Variants in BICD2 observed in about 807,000 individuals in gnomAD.
The protein encoded by BICD2 is protein bicaudal D homolog 2.
A neutral mutation model predicts 72.9 loss-of-function variants in BICD2; 25 were observed. The ratio of observed to expected loss-of-function variants is 0.34; its 90% CI spans 0.25 to 0.48. The LOEUF is 0.48. Among genes scored for constraint, BICD2 ranks in the 20% least tolerant of loss-of-function variants. BICD2 has a pLI of 0.99. For missense variants in BICD2, 894 were observed against 1,175.2 expected (o/e 0.76, Z 3.50); for synonymous variants, 501 against 516.1 (o/e 0.97, Z 0.40).
In BICD2 at chr9:92,728,919, C is replaced by T. The variant is rs994704192; in HGVS notation, c.453+105G>A. The T allele has an allele frequency of 1.4e-5, 18 of 1,241,946 alleles. No homozygotes were observed. The East Asian group carries it at 2.3e-4, about 16-fold the overall frequency. The allele number at this position is 1,241,946 out of a possible 1,614,324, so 76.9% of individuals were successfully genotyped here. ...AGCAAGACAGACCAGCCAGCTGCAG[C>T]GTCCCCAGAGGCCAGCCCAGCCCAG... On this transcript the variant is annotated intron_variant, in intron 2 of 6. Transcript: ENST00000356884.
chr9:92,714,306 AT>A lies in BICD2; in HGVS notation c.*847del. ...TGAACCCCCTATGGAAGGCCGGATA[AT>A]TGGCTGCTGGGGTCACCCCAAGTAC... On this transcript the variant is annotated 3_prime_UTR_variant, in exon 7 of 7. Coordinates refer to ENST00000356884, the MANE Select transcript of BICD2 (RefSeq NM_001003800.2). 3.0e-6 allele frequency: 3 copies of A among 985,512 alleles called. No individual in the cohort carries two copies. Among genetic ancestry groups the A allele is most frequent in the Non-Finnish European group, 3.6e-6 (3 of 829,960 alleles). The allele number at this position is 985,512 out of a possible 1,614,324, so 61.0% of individuals were successfully genotyped here. A position where few individuals can be genotyped will look rare whatever the true frequency, so the allele number is the denominator to read the frequency against.
intron 1 of BICD2, among the ~76,000 whole-genome samples, chr9:92,760,179 C>T (rs1854342809): frequency 6.6e-6 from 1 of 152,184 alleles, no homozygotes; most frequent in Non-Finnish European, 1.5e-5. Context: ...TACAGTCGGT[C>T]CTGCTCAGGT....
intron 1 of BICD2, among the ~76,000 whole-genome samples, chr9:92,731,435 G>A (rs1241204749): frequency 6.6e-6 from 1 of 151,400 alleles, no homozygotes; most frequent in Non-Finnish European, 1.5e-5. Flanking sequence ...GCCAAGATGA[G>A]ATTGTTGCAG....
intron 1 of BICD2, among the ~76,000 whole-genome samples, chr9:92,733,079 T>TTAA (rs1222739013): frequency 6.6e-6 from 1 of 152,156 alleles, no homozygotes; most frequent in Non-Finnish European, 1.5e-5. Flanking sequence ...GTGAGAGAAC[T>TTAA]CACAATTTCA....
At chr9:92,760,547 T>A (rs988513430) in intron 1 of BICD2, among the ~76,000 whole-genome samples, 1 of 152,156 alleles carries the variant, frequency 6.6e-6, no homozygotes, top group Non-Finnish European at 1.5e-5. Context: ...CCCTAAAGAT[T>A]CCTTCATGAC....
chr9:92,754,881 A>T, intron 1 of BICD2, among the ~76,000 whole-genome samples: 1 of 152,200 alleles, frequency 6.6e-6, no homozygotes, highest in Non-Finnish European at 1.5e-5. Flanking sequence ...TAACTGCACA[A>T]ATTGTACAGC....
intron 1 of BICD2, among the ~76,000 whole-genome samples, chr9:92,754,774 T>C (rs1215009274): frequency 6.6e-6 from 1 of 152,226 alleles, no homozygotes; most frequent in Admixed American, 6.5e-5. Context: ...CCCCAATCAA[T>C]ACCCTTGTGA....
intron 4 of BICD2, 40 bp from the exon 5 acceptor site, chr9:92,719,622 A>G (rs1293179494): frequency 6.5e-7 from 1 of 1,527,552 alleles, no homozygotes; most frequent in South Asian, 1.2e-5. Context: ...GTCAGTTGCT[A>G]TGGACCCCGA....
At chr9:92,751,967 G>A (rs1854159874) in intron 1 of BICD2, among the ~76,000 whole-genome samples, 2 of 151,970 alleles carry the variant, frequency 1.3e-5, no homozygotes, top group Non-Finnish European at 2.9e-5. Flanking sequence ...ACCACGAACA[G>A]CTAATTTTTG....
At chr9:92,731,172 C>G (rs1315548034) in intron 1 of BICD2, among the ~76,000 whole-genome samples, 3 of 152,336 alleles carry the variant, frequency 2.0e-5, no homozygotes, top group Non-Finnish European at 2.9e-5. Context: ...TCCTGACAAG[C>G]AGGAGGGACC....
At chr9:92,733,256 G>A (rs1004313907) in intron 1 of BICD2, among the ~76,000 whole-genome samples, 2 of 152,102 alleles carry the variant, frequency 1.3e-5, no homozygotes, top group Non-Finnish European at 2.9e-5. Flanking sequence ...ATAGTTTTTC[G>A]GCCAGGCACG....
intron 1 of BICD2, among the ~76,000 whole-genome samples, chr9:92,754,559 C>T (rs745521512): frequency 1.2e-4 from 19 of 152,140 alleles, no homozygotes; most frequent in Non-Finnish European, 1.9e-4. Context: ...CAACTTAAAC[C>T]ACAATGAGAT....
chr9:92,729,001 T>G (rs1336323777), intron 2 of BICD2, 23 bp downstream of exon 2: 5 of 1,610,492 alleles, frequency 3.1e-6, no homozygotes, highest in Non-Finnish European at 4.2e-6. Flanking sequence ...AGCCACAGAC[T>G]AGGCCCCTCC....
Position 92,747,650 on chromosome 9 carries a change from T to C in BICD2, c.240+16855A>G, listed in dbSNP as rs369514364. Reference sequence around the variant, plus strand: ...ACTTTAGCTCACTGATGCTGAGAAATAGCTCAGGCAGAAGGCAGGGCCGAC... The same window carrying C: ...ACTTTAGCTCACTGATGCTGAGAAACAGCTCAGGCAGAAGGCAGGGCCGAC... On this transcript the variant is annotated intron_variant, in intron 1 of 6. Transcript: ENST00000356884. Among the ~76,000 whole-genome samples, 33 of 152,202 alleles carry C rather than the reference T, an allele frequency of 2.2e-4. 1 individual carries two copies. The East Asian group carries it at 5.2e-3, about 24-fold the overall frequency.
At chr9:92,761,446 C>T (rs1002919392) in intron 1 of BICD2, among the ~76,000 whole-genome samples, 1 of 152,232 alleles carries the variant, frequency 6.6e-6, no homozygotes, top group Non-Finnish European at 1.5e-5. Flanking sequence ...GAGCTTGACA[C>T]TATGACACCA....
intron 1 of BICD2, among the ~76,000 whole-genome samples, chr9:92,746,307 A>T (rs1269403221): frequency 1.3e-5 from 2 of 152,292 alleles, no homozygotes; most frequent in Non-Finnish European, 2.9e-5. Context: ...TGAGGCAGGC[A>T]GATCACCTGA....
Position 92,729,740 on chromosome 9 carries a change from C to A in BICD2, c.241-504G>T, listed in dbSNP as rs547413188. Among the ~76,000 whole-genome samples the A allele has an allele frequency of 4.6e-5, 7 of 152,374 alleles. No homozygotes were observed. In the East Asian group the frequency reaches 1.3e-3, roughly 29 times the overall value. ...GTCAGAGCCCCAGGCCCGAGGATGGCAGTGATGGTAAGAACTAGACAGAGG... is the reference window on the plus strand; with the variant it reads ...GTCAGAGCCCCAGGCCCGAGGATGGAAGTGATGGTAAGAACTAGACAGAGG... On this transcript the variant is annotated intron_variant, in intron 1 of 6. Coordinates refer to ENST00000356884, the MANE Select transcript of BICD2 (RefSeq NM_001003800.2).
intron 1 of BICD2, among the ~76,000 whole-genome samples, chr9:92,739,357 G>A (rs1379073707): frequency 1.3e-5 from 2 of 152,350 alleles, no homozygotes; most frequent in African/African-American, 2.4e-5. Flanking sequence ...CCGAGGGCCT[G>A]TAGCCCAGAC....
At chr9:92,722,590 G>C in intron 3 of BICD2, 66 bp downstream of exon 3, 2 of 1,601,658 alleles carry the variant, frequency 1.2e-6, no homozygotes, top group South Asian at 2.2e-5. Context: ...GAGAGGGGCT[G>C]AGCAAGAGGT....
Sources: gnomAD v4.1 joint callset for allele counts (sites outside exome capture counted in the v4.1 genomes callset) on GRCh38, gnomAD v4.1.1 for gene constraint, MANE v1.5 for transcripts, NCBI Gene and HGNC (gene_info 2026-07-23, HGNC 2026-07-21) for gene names.